CD99: variants seen among roughly 807,000 people sequenced by gnomAD.
CD99 encodes CD99 antigen.
A neutral mutation model predicts 28.4 loss-of-function variants in CD99; 19 were observed. That is an observed-to-expected ratio of 0.67 (90% CI 0.47 to 0.98). CD99 has a LOEUF of 0.98. Among genes scored for constraint, CD99 ranks in the 50% least tolerant of loss-of-function variants. The pLI is 0.00. For missense variants in CD99, 283 were observed against 248.8 expected (o/e 1.14, Z -0.92); for synonymous variants, 103 against 92.1 (o/e 1.12, Z -0.67).
At chrX:2,695,269 G>A (rs1432780596) in intron 1 of CD99, among the ~76,000 whole-genome samples, 2 of 151,940 alleles carry the variant, frequency 1.3e-5, no homozygotes, top group Admixed American at 6.6e-5. Context: ...GAAGTGGCAC[G>A]ATCTCAGCTC....
chrX:2,709,254 A>G (rs1191892266), intron 1 of CD99, among the ~76,000 whole-genome samples: 1 of 76,464 alleles, frequency 1.3e-5, no homozygotes, highest in Non-Finnish European at 4.7e-5. Flanking sequence ...ACACGTGTGC[A>G]CCCACACAGC....
intron 1 of CD99, among the ~76,000 whole-genome samples, chrX:2,709,248 G>A (rs2048269211): frequency 1.3e-5 from 1 of 75,544 alleles, no homozygotes; most frequent in African/African-American, 2.9e-5. Context: ...GCATGCACAC[G>A]TGTGCACCCA....
chrX:2,699,457 C>T (rs982460163), intron 1 of CD99, among the ~76,000 whole-genome samples: 1 of 149,160 alleles, frequency 6.7e-6, no homozygotes, highest in Non-Finnish European at 1.5e-5. Flanking sequence ...TGTGAGCCAC[C>T]GCGCCCAGCC....
At chrX:2,720,915 T>A (rs1218059164) in intron 5 of CD99, among the ~76,000 whole-genome samples, 2 of 152,200 alleles carry the variant, frequency 1.3e-5, no homozygotes, top group Admixed American at 6.5e-5. Context: ...TGTGAGCCAC[T>A]GTGCCTGGAC....
intron 8 of CD99, among the ~76,000 whole-genome samples, chrX:2,732,252 G>A (rs2049655350): frequency 6.6e-6 from 1 of 152,006 alleles, no homozygotes; most frequent in South Asian, 2.1e-4. Context: ...CGGGGGACCT[G>A]GCTCAGACCA....
At chrX:2,700,794 C>A (rs2047817057) in intron 1 of CD99, among the ~76,000 whole-genome samples, 1 of 152,038 alleles carries the variant, frequency 6.6e-6, no homozygotes, top group Non-Finnish European at 1.5e-5. Flanking sequence ...ACCATCCATC[C>A]ATTTATCCGT....
At chrX:2,722,228 ATTGATT>A (rs1219400011) in intron 5 of CD99, among the ~76,000 whole-genome samples, 2 of 151,986 alleles carry the variant, frequency 1.3e-5, no homozygotes, top group Non-Finnish European at 2.9e-5. Flanking sequence ...ATATGACATT[ATTGATT>A]TATAAGCCTT....
intron 1 of CD99, among the ~76,000 whole-genome samples, chrX:2,709,686 G>C (rs184281569): frequency 1.9e-5 from 2 of 107,588 alleles, no homozygotes; most frequent in African/African-American, 6.3e-5. Flanking sequence ...ATCCACACGC[G>C]CACATGCATG....
chrX:2,721,416 C>T (rs2048988151), intron 5 of CD99, among the ~76,000 whole-genome samples: 1 of 152,048 alleles, frequency 6.6e-6, no homozygotes, highest in Non-Finnish European at 1.5e-5. Flanking sequence ...CTGCCTCAGC[C>T]TTTCAAGTAG....
chrX:2,720,476 A>T (rs763114280), intron 5 of CD99, 52 bp downstream of exon 5: 19 of 1,541,442 alleles, frequency 1.2e-5, no homozygotes, highest in Non-Finnish European at 1.7e-5. Context: ...GAATTCAGCG[A>T]TATTTATGTC....
intron 2 of CD99, chrX:2,715,731 C>G (rs143793182): frequency 2.0e-5 from 3 of 152,348 alleles, no homozygotes; most frequent in Admixed American, 2.0e-4. Context: ...GGGGAGGATC[C>G]TTCCTGCTTC....
At chrX:2,697,509 C>T (rs1271180672) in intron 1 of CD99, among the ~76,000 whole-genome samples, 4 of 152,132 alleles carry the variant, frequency 2.6e-5, no homozygotes, top group African/African-American at 9.7e-5. Flanking sequence ...TTTGTTTCTG[C>T]TTTGCCTGAC....
chrX:2,737,596 A>T (rs2050009649), intron 8 of CD99, among the ~76,000 whole-genome samples: 1 of 151,328 alleles, frequency 6.6e-6, no homozygotes, highest in Non-Finnish European at 1.5e-5. Context: ...CTGGGTTCAA[A>T]CGATCCTCCT....
intron 5 of CD99, 91 bp from the exon 6 acceptor site, chrX:2,722,536 C>T: frequency 9.0e-7 from 1 of 1,114,254 alleles, no homozygotes; most frequent in South Asian, 1.2e-5. Context: ...GATGAACAGG[C>T]CGGTTTTCAT....
chrX:2,724,638 C>T (rs1434583817), intron 7 of CD99, among the ~76,000 whole-genome samples: 13 of 151,952 alleles, frequency 8.6e-5, no homozygotes, highest in Admixed American at 8.5e-4. Context: ...GGTGTGGTGG[C>T]TCACACCTGT....
rs185575662 is a variant in CD99 at position 2,729,080 on chromosome X, G to A, written c.475+2707G>A. Among the ~76,000 whole-genome samples the A allele has an allele frequency of 5.3e-5, 8 of 151,942 alleles. No homozygotes were observed. The East Asian group carries it at 5.9e-4, about 11-fold the overall frequency. Reference sequence around the variant, plus strand: ...TCGTGACCTCAGGTGGTTCCCCCCCGCAATCTTGGCCTCCCAAAGTGTTGG... The same window carrying A: ...TCGTGACCTCAGGTGGTTCCCCCCCACAATCTTGGCCTCCCAAAGTGTTGG... On this transcript the variant is annotated intron_variant, in intron 8 of 9. Transcript: ENST00000381192.
At chrX:2,707,329 C>CAAAAGAAAAG (rs58329163) in intron 1 of CD99, among the ~76,000 whole-genome samples, 21,672 of 149,142 alleles carry the variant, frequency 0.15, 1,761 homozygotes, top group South Asian at 0.24. Context: ...AACTCTGCCT[C>CAAAAGAAAAG]AAAAGAAAAG....
intron 9 of CD99, among the ~76,000 whole-genome samples, chrX:2,738,523 C>T (rs938263084): frequency 6.6e-6 from 1 of 151,994 alleles, no homozygotes; most frequent in Admixed American, 6.5e-5. Flanking sequence ...CCCAGGAGTT[C>T]GAGACCAGCC....
chrX:2,740,832 G>A lies in CD99; in HGVS notation c.*28G>A, dbSNP rs760045391. On this transcript the variant is annotated 3_prime_UTR_variant, in exon 10 of 10. Coordinates refer to ENST00000381192, the MANE Select transcript of CD99 (RefSeq NM_002414.5). The stretch of plus-strand genomic sequence containing the variant: ...GATTGTCGGCAGAAACAGCCCAGGC[G>A]TTGGCAGCAGGGTTAGAACAGCTGC... 8.7e-6 allele frequency: 14 copies of A among 1,613,742 alleles called. No individual in the cohort carries two copies. Among genetic ancestry groups the A allele is most frequent in the East Asian group, 6.7e-5 (3 of 44,884 alleles).
Sources: allele counts gnomAD v4.1 joint callset (sites outside exome capture counted in the v4.1 genomes callset), GRCh38; gene constraint gnomAD v4.1.1; transcripts MANE v1.5; gene names NCBI Gene and HGNC (gene_info 2026-07-23, HGNC 2026-07-21).